The following POFUT3 variants were observed in gnomAD, a reference collection of about 807,000 sequenced individuals.
The protein encoded by POFUT3 is GDP-fucose protein O-fucosyltransferase 3.
the POFUT3 span, among the ~76,000 whole-genome samples, chr8:33,381,701 G>A: frequency 6.6e-6 from 1 of 152,112 alleles, no homozygotes; most frequent in South Asian, 2.1e-4. Context: ...GGTAGTTAAT[G>A]GAATCTCTGT....
At chr8:33,372,795 G>T in the POFUT3 span, 1 of 1,613,886 alleles carries the variant, frequency 6.2e-7, no homozygotes, top group Non-Finnish European at 8.5e-7. Flanking sequence ...CATCTTTTGG[G>T]TGGTAAGCCC....
the POFUT3 span, chr8:33,461,396 G>A: frequency 4.1e-5 from 66 of 1,612,318 alleles, no homozygotes; most frequent in African/African-American, 5.6e-4. Context: ...GCAGAAAGAC[G>A]GTGGCTGTGA....
chr8:33,363,797 A>G, the POFUT3 span, among the ~76,000 whole-genome samples: 1 of 152,092 alleles, frequency 6.6e-6, no homozygotes. Flanking sequence ...CAACCAAAAA[A>G]AGTCCAGGAC....
At chr8:33,445,047 C>T in the POFUT3 span, among the ~76,000 whole-genome samples, 2 of 151,490 alleles carry the variant, frequency 1.3e-5, no homozygotes, top group Admixed American at 1.3e-4. Context: ...AATCCTCCCA[C>T]TGCAGCCTCC....
the POFUT3 span, among the ~76,000 whole-genome samples, chr8:33,396,598 A>C: frequency 6.6e-6 from 1 of 152,214 alleles, no homozygotes; most frequent in African/African-American, 2.4e-5. Flanking sequence ...AGAAAAATGC[A>C]AGCCTTTTAT....
chr8:33,352,271 C>A, the POFUT3 span, among the ~76,000 whole-genome samples: 1 of 152,176 alleles, frequency 6.6e-6, no homozygotes, highest in Non-Finnish European at 1.5e-5. Context: ...GCTGTCACTA[C>A]GTGAGATTTT....
chr8:33,430,248 C>A, the POFUT3 span, among the ~76,000 whole-genome samples: 1 of 152,150 alleles, frequency 6.6e-6, no homozygotes, highest in Non-Finnish European at 1.5e-5. Context: ...GCCAAAGTAA[C>A]TTGGTTGCCC....
the POFUT3 span, among the ~76,000 whole-genome samples, chr8:33,447,248 G>C: frequency 1.3e-5 from 2 of 152,096 alleles, no homozygotes; most frequent in African/African-American, 4.8e-5. Context: ...AGGAGATCGA[G>C]ACCATCCTGG....
At chr8:33,351,057 A>C in the POFUT3 span, among the ~76,000 whole-genome samples, 1 of 151,940 alleles carries the variant, frequency 6.6e-6, no homozygotes, top group East Asian at 1.9e-4. Flanking sequence ...CTCACTGCCC[A>C]CTGCAACCTG....
the POFUT3 span, among the ~76,000 whole-genome samples, chr8:33,356,990 A>G: frequency 2.0e-5 from 3 of 152,102 alleles, no homozygotes; most frequent in African/African-American, 4.8e-5. Flanking sequence ...GTAGATATGC[A>G]GTGTTATTTC....
At chr8:33,421,350 A>G in the POFUT3 span, among the ~76,000 whole-genome samples, 1 of 152,196 alleles carries the variant, frequency 6.6e-6, no homozygotes, top group Non-Finnish European at 1.5e-5. Context: ...TTCATAAACT[A>G]GAAATTTAAC....
the POFUT3 span, among the ~76,000 whole-genome samples, chr8:33,457,246 G>A: frequency 2.0e-5 from 3 of 152,016 alleles, no homozygotes; most frequent in Non-Finnish European, 4.4e-5. Context: ...TCAGGAGTTC[G>A]AGACCAGCCT....
the POFUT3 span, among the ~76,000 whole-genome samples, chr8:33,362,330 G>A: frequency 6.6e-6 from 1 of 152,076 alleles, no homozygotes; most frequent in Non-Finnish European, 1.5e-5. Flanking sequence ...AAATTGTAAA[G>A]ACCACCAATG....
the POFUT3 span, among the ~76,000 whole-genome samples, chr8:33,316,108 C>T: frequency 6.6e-6 from 1 of 152,128 alleles, no homozygotes; most frequent in African/African-American, 2.4e-5. Flanking sequence ...TCATGCTGCA[C>T]TTCTCATCAC....
the POFUT3 span, among the ~76,000 whole-genome samples, chr8:33,411,228 T>C: frequency 6.6e-6 from 1 of 152,078 alleles, no homozygotes; most frequent in Non-Finnish European, 1.5e-5. Context: ...AATATTAAGA[T>C]CAAATAACAC....
At chr8:33,374,778 C>G in the POFUT3 span, among the ~76,000 whole-genome samples, 3 of 152,018 alleles carry the variant, frequency 2.0e-5, no homozygotes, top group Non-Finnish European at 2.9e-5. Flanking sequence ...CTTCAAAATT[C>G]TGAGAAAAAT....
chr8:33,351,237 C>T, the POFUT3 span, among the ~76,000 whole-genome samples: 46,171 of 151,852 alleles, frequency 0.3, 8,177 homozygotes, highest in South Asian at 0.51. Flanking sequence ...GTTACAGGCA[C>T]GAGCCACTGC....
the POFUT3 span, among the ~76,000 whole-genome samples, chr8:33,427,156 G>A: frequency 6.6e-6 from 1 of 152,160 alleles, no homozygotes; most frequent in Admixed American, 6.6e-5. Flanking sequence ...ATCTAATACG[G>A]AAGCAAAGGG....
the POFUT3 span, among the ~76,000 whole-genome samples, chr8:33,464,254 C>T: frequency 2.0e-5 from 3 of 152,088 alleles, no homozygotes; most frequent in Non-Finnish European, 2.9e-5. Flanking sequence ...TCAACTGGAA[C>T]GTTAAAAGGA....
Sources: gnomAD v4.1 joint callset for allele counts (sites outside exome capture counted in the v4.1 genomes callset) on GRCh38, gnomAD v4.1.1 for gene constraint, MANE v1.5 for transcripts, NCBI Gene and HGNC (gene_info 2026-07-23, HGNC 2026-07-21) for gene names.